The following HAPLN2 variants were observed in gnomAD, a reference collection of about 807,000 sequenced individuals.
HAPLN2 encodes the protein hyaluronan and proteoglycan link protein 2, also known as brain link protein-1.
Under a neutral mutation model 29.3 loss-of-function variants are expected in HAPLN2, and 27 were observed. That is an observed-to-expected ratio of 0.92 (90% CI 0.68 to 1.27). The LOEUF (loss-of-function observed/expected upper bound fraction) is 1.27, where lower values mean the gene tolerates loss of function less well. Among genes scored for constraint, HAPLN2 ranks in the 50% most tolerant of loss-of-function variants. HAPLN2 has a pLI of 0.00. For missense variants in HAPLN2, 454 were observed against 484.3 expected (o/e 0.94, Z 0.59); for synonymous variants, 208 against 211.7 (o/e 0.98, Z 0.15).
chr1:156,608,304 C>T, the HAPLN2 span, among the ~76,000 whole-genome samples: 1 of 152,160 alleles, frequency 6.6e-6, no homozygotes. Flanking sequence ...ATTTAAAGCC[C>T]TATTGCCATC....
At chr1:156,613,605 G>A in the HAPLN2 span, among the ~76,000 whole-genome samples, 1 of 152,232 alleles carries the variant, frequency 6.6e-6, no homozygotes, top group Admixed American at 6.5e-5. Flanking sequence ...TCAGATGAGT[G>A]TCAAGCAAAC....
chr1:156,618,351 G>A (rs1368253058), upstream of HAPLN2, among the ~76,000 whole-genome samples: 2 of 150,714 alleles, frequency 1.3e-5, no homozygotes, highest in African/African-American at 2.4e-5. Flanking sequence ...GTGGTGGTGC[G>A]CGCCTGTAGT....
upstream of HAPLN2, chr1:156,619,168 C>T (rs533082823): frequency 7.2e-5 from 11 of 152,248 alleles, no homozygotes; most frequent in African/African-American, 2.7e-4. Flanking sequence ...TTCTCTGCCC[C>T]TCACCCTATT....
chr1:156,625,515 G>A lies in HAPLN2; in HGVS notation c.*131G>A. ...CGGCCTCTCCAGACCTGCCTTCCCA[G>A]CCGGGGGCTGCGGGCCTCGGACCCC... On this transcript the variant is annotated 3_prime_UTR_variant, in exon 7 of 7. Coordinates refer to ENST00000255039, the MANE Select transcript of HAPLN2 (RefSeq NM_021817.3). This position sits in a 1 kb window ranked among gnomAD's most constrained non-coding sequence, Gnocchi z 5.7. 2 of 951,544 alleles carry A rather than the reference G, an allele frequency of 2.1e-6. No individual in the cohort carries two copies. The highest frequency in any genetic ancestry group is 5.1e-5 in the South Asian group (2 of 38,922). 58.9% of individuals were successfully genotyped at this position (951,544 alleles called of 1,614,324 possible).
chr1:156,601,998 A>G, the HAPLN2 span, among the ~76,000 whole-genome samples: 1 of 151,448 alleles, frequency 6.6e-6, no homozygotes, highest in Non-Finnish European at 1.5e-5. Flanking sequence ...CAGTGGCGCG[A>G]TATCGACTCA....
the HAPLN2 span, among the ~76,000 whole-genome samples, chr1:156,601,673 G>A: frequency 6.6e-6 from 1 of 152,172 alleles, no homozygotes. Context: ...TCCTTGAGCA[G>A]CCAAGGGACT....
chr1:156,623,876 C>A lies in HAPLN2; in HGVS notation c.155C>A (p.Thr52Lys). 6.4e-7 allele frequency: 1 copy of A among 1,572,172 alleles called. No individual in the cohort carries two copies. The highest frequency in any genetic ancestry group is 8.6e-7 in the Non-Finnish European group (1 of 1,159,800). ...HEVIHSHRGATATLPCVLGTT... is the reference protein window; with the variant it reads ...HEVIHSHRGAKATLPCVLGTT... ...GTCATTCACTCTCATCGTGGGGCCA[C>A]GGCCACGCTGCCCTGCGTCCTGGGC... The change falls in exon 4 of 7, where the codon ACG becomes AAG. Residue 52 changes from threonine (T) to lysine (K), a missense_variant. This residue lies in a region of HAPLN2 where 204 missense variants were observed against 209.2 expected (regional missense o/e 0.98). Transcript: ENST00000255039.
In HAPLN2 at chr1:156,624,355, G is replaced by T; in HGVS notation, c.444G>T (p.Val148=). 1 of 1,601,874 alleles carries T rather than the reference G, an allele frequency of 6.2e-7. No individual in the cohort carries two copies. The highest frequency in any genetic ancestry group is 2.3e-5 in the East Asian group (1 of 44,214). The change falls in exon 5 of 7, where the codon GTG becomes GTT. Residue 148 remains valine (V), a synonymous_variant. Coordinates refer to ENST00000255039, the MANE Select transcript of HAPLN2 (RefSeq NM_021817.3). ...SVALTLSLEG[V]VFPYQPSRGR... ...AGGATCCCCGCCACCCCCTAGGTGT[G>T]GTGTTTCCGTACCAACCCAGCCGGG...
chr1:156,625,383 A>G lies in HAPLN2; in HGVS notation c.1022A>G (p.Ter341TrpextTer83). 6.3e-7 allele frequency: 1 copy of G among 1,586,002 alleles called. No individual in the cohort carries two copies. Reference protein sequence around the residue: ...AYGTYCYAEN* With the variant: ...AYGTYCYAENW Reference sequence around the variant, plus strand: ...GGGACCTACTGCTACGCCGAGAATTAGGCGCCCACCGTGTCCCCTCCAGCG... The same window carrying G: ...GGGACCTACTGCTACGCCGAGAATTGGGCGCCCACCGTGTCCCCTCCAGCG... The change falls in exon 7 of 7, where the codon TAG (stop) becomes TGG (tryptophan). Residue 341 changes from the stop codon to tryptophan (W), a stop_lost. Transcript: ENST00000255039. The surrounding 1 kb of genome is among the most constrained non-coding windows in gnomAD (Gnocchi z 5.7).
the HAPLN2 span, among the ~76,000 whole-genome samples, chr1:156,607,973 G>T: frequency 6.6e-6 from 1 of 152,106 alleles, no homozygotes; most frequent in Non-Finnish European, 1.5e-5. Flanking sequence ...GTGTCTCACA[G>T]GATTCAATCC....
At chr1:156,601,631 C>A in the HAPLN2 span, 1 of 635,672 alleles carries the variant, frequency 1.6e-6, no homozygotes, top group South Asian at 1.9e-5. Context: ...TTCGGAGGTT[C>A]CGAGGCTGTT....
chr1:156,612,879 T>A, the HAPLN2 span, among the ~76,000 whole-genome samples: 1 of 152,200 alleles, frequency 6.6e-6, no homozygotes, highest in African/African-American at 2.4e-5. Flanking sequence ...AGGGTGCTAG[T>A]GTGTTGCCCT....
upstream of HAPLN2, among the ~76,000 whole-genome samples, chr1:156,617,351 C>CTT (rs36034383): frequency 0.23 from 29,327 of 126,414 alleles, 3,867 homozygotes; most frequent in South Asian, 0.48. Context: ...GGGTATGGTT[C>CTT]TTTTTTTTTT....
chr1:156,624,884 C>T, intron 6 of HAPLN2, 101 bp downstream of exon 6: 2 of 1,352,202 alleles, frequency 1.5e-6, no homozygotes, highest in South Asian at 1.5e-5. Flanking sequence ...TCTCCGGGTC[C>T]CTCCAAGGCA....
At chr1:156,622,885 T>C (rs1489998317) in intron 2 of HAPLN2, among the ~76,000 whole-genome samples, 1 of 150,870 alleles carries the variant, frequency 6.6e-6, no homozygotes, top group Non-Finnish European at 1.5e-5. Flanking sequence ...AAAGAAACAA[T>C]TAGCTGGGTG....
At chr1:156,601,543 T>C in the HAPLN2 span, 46,090 of 1,376,048 alleles carry the variant, frequency 0.033, 1,140 homozygotes, top group African/African-American at 0.11. Context: ...AAATCACGGT[T>C]TTTCCAGGAG....
chr1:156,624,672 A>T lies in HAPLN2; in HGVS notation c.628A>T (p.Thr210Ser), dbSNP rs1181589554. The change falls in exon 6 of 7, where the codon ACC (threonine) becomes TCC (serine). Residue 210 changes from threonine (T) to serine (S), a missense_variant. By Grantham distance (58) the Thr-to-Ser change is moderately conservative (BLOSUM62 1). Coordinates refer to ENST00000255039, the MANE Select transcript of HAPLN2 (RefSeq NM_021817.3). ...GGGCTCCGTGCGCTACCCTGTGCTC[A>T]CCGCACGCGCCCCGTGCGGCGGCCG... ...LEGSVRYPVL[T>S]ARAPCGGRGR... 6.2e-7 allele frequency: 1 copy of T among 1,607,344 alleles called. No individual in the cohort carries two copies. The highest frequency in any genetic ancestry group is 8.5e-7 in the Non-Finnish European group (1 of 1,178,200).
the HAPLN2 span, among the ~76,000 whole-genome samples, chr1:156,613,011 G>T: frequency 1.1e-4 from 16 of 152,184 alleles, no homozygotes; most frequent in South Asian, 4.1e-4. Flanking sequence ...CAAAAGAGCT[G>T]CTTTGAGGAG....
upstream of HAPLN2, among the ~76,000 whole-genome samples, chr1:156,614,484 A>G (rs1678016280): frequency 6.6e-6 from 1 of 152,212 alleles, no homozygotes; most frequent in Non-Finnish European, 1.5e-5. Flanking sequence ...AGCCTCCCAA[A>G]GTGCTGGGAT....
Sources: gnomAD v4.1 joint callset for allele counts (sites outside exome capture counted in the v4.1 genomes callset) on GRCh38, gnomAD v4.1.1 for gene constraint, gnomAD v4.1.1 regional missense constraint, Gnocchi (gnomAD v3.1) non-coding constraint, MANE v1.5 for transcripts, NCBI Gene and HGNC (gene_info 2026-07-23, HGNC 2026-07-21) for gene names.